The following CTNND2 variants were observed in gnomAD, a reference collection of about 807,000 sequenced individuals.
CTNND2 encodes catenin delta-2.
Under a neutral mutation model 144.4 loss-of-function variants are expected in CTNND2, and 22 were observed. The ratio of observed to expected loss-of-function variants is 0.15; its 90% CI spans 0.11 to 0.22. The LOEUF (loss-of-function observed/expected upper bound fraction) is 0.22, where lower values mean the gene tolerates loss of function less well. Ranked by LOEUF, CTNND2 falls within the 10% of genes least tolerant of loss-of-function variation. CTNND2 has a pLI of 1.00. For missense variants in CTNND2, 1,353 were observed against 1,618.8 expected, an observed-to-expected ratio of 0.84 and a Z score of 2.82; for synonymous variants, 751 against 695.6, an observed-to-expected ratio of 1.08 and a Z score of -1.25.
At chr5:11,082,979 G>A in intron 15 of CTNND2, 133 bp from the exon 16 acceptor site, 6 of 969,966 alleles carry the variant, frequency 6.2e-6, no homozygotes, top group Non-Finnish European at 9.0e-6. Flanking sequence ...TTGTAGAATG[G>A]GTTGAATACG....
intron 3 of CTNND2, among the ~76,000 whole-genome samples, chr5:11,459,610 T>G (rs574580321): frequency 6.6e-6 from 1 of 152,346 alleles, no homozygotes; most frequent in African/African-American, 2.4e-5. Flanking sequence ...CAGGTAGTTC[T>G]TTTATTTGTC....
chr5:11,499,886 C>A (rs1306148475), intron 3 of CTNND2, among the ~76,000 whole-genome samples: 2 of 152,016 alleles, frequency 1.3e-5, no homozygotes, highest in Non-Finnish European at 2.9e-5. Context: ...AAGAATCTCC[C>A]ACATTCTGGG....
At chr5:11,241,094 A>G (rs953733231) in intron 9 of CTNND2, among the ~76,000 whole-genome samples, 1 of 150,988 alleles carries the variant, frequency 6.6e-6, no homozygotes, top group Non-Finnish European at 1.5e-5. Flanking sequence ...CACCCAATAC[A>G]CACACCCAAC....
At chr5:11,282,653 G>A (rs915038316) in intron 9 of CTNND2, among the ~76,000 whole-genome samples, 5 of 152,148 alleles carry the variant, frequency 3.3e-5, no homozygotes, top group African/African-American at 1.2e-4. Flanking sequence ...TCCTAGGAGG[G>A]TATGATTTAC....
intron 9 of CTNND2, among the ~76,000 whole-genome samples, chr5:11,251,993 G>A (rs954984349): frequency 6.6e-6 from 1 of 152,058 alleles, no homozygotes; most frequent in African/African-American, 2.4e-5. Flanking sequence ...ATTTAGAATT[G>A]CTTTATCTTT....
chr5:11,589,459 A>C (rs1779099022), intron 2 of CTNND2, among the ~76,000 whole-genome samples: 1 of 152,210 alleles, frequency 6.6e-6, no homozygotes, highest in African/African-American at 2.4e-5. Context: ...GGTTTCAAAG[A>C]TGAACAGCTG....
chr5:11,189,371 G>T (rs767980645), intron 11 of CTNND2, among the ~76,000 whole-genome samples: 1 of 151,992 alleles, frequency 6.6e-6, no homozygotes, highest in African/African-American at 2.4e-5. Context: ...TTTGAACTGC[G>T]CAGGTACACT....
At chr5:11,095,386 A>G (rs975533159) in intron 15 of CTNND2, among the ~76,000 whole-genome samples, 1 of 152,238 alleles carries the variant, frequency 6.6e-6, no homozygotes, top group Non-Finnish European at 1.5e-5. Context: ...CAGCTGAACC[A>G]AAGAATCAAA....
chr5:11,272,393 T>G (rs1746116578), intron 9 of CTNND2, among the ~76,000 whole-genome samples: 1 of 152,206 alleles, frequency 6.6e-6, no homozygotes, highest in African/African-American at 2.4e-5. Context: ...ATATATTATT[T>G]TAGGAAAGAT....
At position 11,037,086 on chromosome 5, in the gene CTNND2, C is replaced by T. The variant is rs1008805314; in HGVS notation, c.2789-14107G>A. Among the ~76,000 whole-genome samples the T allele has an allele frequency of 2.6e-5, 4 of 152,280 alleles. No individual in the cohort carries two copies. In the South Asian group the frequency reaches 8.3e-4, roughly 32 times the overall value. Reference sequence around the variant, plus strand: ...ATTTTTTAAAAGAAGATCCCATTTCCACATTTAAAATAGCCTTTTCAGTTG... The same window carrying T: ...ATTTTTTAAAAGAAGATCCCATTTCTACATTTAAAATAGCCTTTTCAGTTG... On this transcript the variant is annotated intron_variant, in intron 16 of 21. Coordinates refer to ENST00000304623, the MANE Select transcript of CTNND2 (RefSeq NM_001332.4).
intron 3 of CTNND2, among the ~76,000 whole-genome samples, chr5:11,449,462 C>A (rs1049174503): frequency 2.0e-5 from 3 of 152,148 alleles, no homozygotes; most frequent in Non-Finnish European, 4.4e-5. Flanking sequence ...AGTCTTTCAT[C>A]AAGACGCTAG....
At chr5:11,247,709 A>T (rs1443356119) in intron 9 of CTNND2, among the ~76,000 whole-genome samples, 1 of 152,224 alleles carries the variant, frequency 6.6e-6, no homozygotes, top group Non-Finnish European at 1.5e-5. Flanking sequence ...AATAGTTATC[A>T]AATTTAATTA....
chr5:11,775,762 C>T (rs1790218320), intron 1 of CTNND2, among the ~76,000 whole-genome samples: 1 of 152,142 alleles, frequency 6.6e-6, no homozygotes, highest in South Asian at 2.1e-4. Context: ...AATATACCCC[C>T]GACATTTATG....
intron 3 of CTNND2, among the ~76,000 whole-genome samples, chr5:11,554,025 C>A (rs558104283): frequency 6.6e-6 from 1 of 152,032 alleles, no homozygotes; most frequent in Non-Finnish European, 1.5e-5. Context: ...TTCTAAGGCC[C>A]TACATCAAAT....
chr5:11,338,649 G>A (rs1753952931), intron 9 of CTNND2, among the ~76,000 whole-genome samples: 1 of 152,116 alleles, frequency 6.6e-6, no homozygotes, highest in South Asian at 2.1e-4. Flanking sequence ...AGGCCCCTAT[G>A]CCAGAACCTG....
At chr5:11,607,191 G>A (rs10077680) in intron 2 of CTNND2, among the ~76,000 whole-genome samples, 64,758 of 151,982 alleles carry the variant, frequency 0.43, 14,380 homozygotes, top group Middle Eastern at 0.65. Context: ...TGATCTGATG[G>A]CACCTTGATC....
At chr5:11,212,810 C>A (rs1443888831) in intron 10 of CTNND2, among the ~76,000 whole-genome samples, 1 of 152,066 alleles carries the variant, frequency 6.6e-6, no homozygotes, top group Non-Finnish European at 1.5e-5. Flanking sequence ...CGGAGCCCCT[C>A]CCAGAGGTAA....
intron 3 of CTNND2, among the ~76,000 whole-genome samples, chr5:11,449,935 T>C (rs889551858): frequency 3.9e-5 from 6 of 152,240 alleles, no homozygotes; most frequent in Non-Finnish European, 8.8e-5. Flanking sequence ...AAGGAATTCA[T>C]CATCTGTACA....
intron 9 of CTNND2, among the ~76,000 whole-genome samples, chr5:11,295,360 G>C (rs171700): frequency 6.6e-6 from 1 of 151,844 alleles, no homozygotes. Context: ...AGAACATTCC[G>C]TGTTCATGGG....
Sources: allele counts gnomAD v4.1 joint callset (sites outside exome capture counted in the v4.1 genomes callset), GRCh38; gene constraint gnomAD v4.1.1; transcripts MANE v1.5; gene names NCBI Gene and HGNC (gene_info 2026-07-23, HGNC 2026-07-21).